GALNT13: variants seen among roughly 807,000 people sequenced by gnomAD.
GALNT13 encodes UDP-GalNAc:polypeptide N-acetylgalactosaminyltransferase 13.
GALNT13 carries 28 observed loss-of-function variants against 64.2 expected under a neutral mutation model. The observed-to-expected ratio is 0.44, with a 90% CI of 0.32 to 0.60. The LOEUF is 0.60. Among genes scored for constraint, GALNT13 ranks in the 20% least tolerant of loss-of-function variants. GALNT13 has a pLI of 0.05. For synonymous variants in GALNT13, 214 were observed against 224.6 expected (o/e 0.95, Z 0.42); for missense variants, 577 against 669.8 (o/e 0.86, Z 1.53).
At chr2:153,320,694 C>T in the GALNT13 span, among the ~76,000 whole-genome samples, 10 of 152,304 alleles carry the variant, frequency 6.6e-5, no homozygotes, top group Middle Eastern at 3.4e-3. Context: ...ATTTAAAATT[C>T]GCTGAAGTGA....
chr2:154,384,735 G>A (rs558814563), intron 9 of GALNT13, among the ~76,000 whole-genome samples: 11 of 151,892 alleles, frequency 7.2e-5, no homozygotes, highest in Non-Finnish European at 1.2e-4. Flanking sequence ...CCTACCCACT[G>A]TCATTCTCAG....
the GALNT13 span, among the ~76,000 whole-genome samples, chr2:153,186,834 G>A: frequency 6.6e-6 from 1 of 152,174 alleles, no homozygotes; most frequent in African/African-American, 2.4e-5. Context: ...CCAAAGTGCT[G>A]GGATTACAGG....
At chr2:154,126,835 G>C (rs1278680584) in intron 3 of GALNT13, among the ~76,000 whole-genome samples, 7 of 151,892 alleles carry the variant, frequency 4.6e-5, no homozygotes, top group Non-Finnish European at 4.4e-5. Context: ...ATTCACTTGG[G>C]GGTCTCCCAT....
intron 8 of GALNT13, among the ~76,000 whole-genome samples, chr2:154,275,107 G>C (rs35531380): frequency 6.6e-6 from 1 of 152,088 alleles, no homozygotes; most frequent in Admixed American, 6.6e-5. Context: ...TTTCTAAGCC[G>C]CAGACCATTT....
chr2:153,437,932 T>C, the GALNT13 span, among the ~76,000 whole-genome samples: 1 of 152,262 alleles, frequency 6.6e-6, no homozygotes, highest in East Asian at 1.9e-4. Flanking sequence ...CGATGGTCTT[T>C]ACAATTGGCA....
At chr2:153,484,381 T>C in the GALNT13 span, among the ~76,000 whole-genome samples, 1 of 152,336 alleles carries the variant, frequency 6.6e-6, no homozygotes, top group East Asian at 1.9e-4. Flanking sequence ...TGAGCAGTTA[T>C]ATTGATCTCG....
At chr2:154,372,354 A>G (rs576804818) in intron 9 of GALNT13, among the ~76,000 whole-genome samples, 58 of 150,342 alleles carry the variant, frequency 3.9e-4, no homozygotes, top group African/African-American at 1.4e-3. Context: ...CCCCAGATGT[A>G]CTGATTGATT....
the GALNT13 span, among the ~76,000 whole-genome samples, chr2:153,240,554 A>C: frequency 6.6e-6 from 1 of 152,128 alleles, no homozygotes; most frequent in African/African-American, 2.4e-5. Flanking sequence ...TACTGTCTGT[A>C]CTGGCAAGGT....
chr2:153,677,582 A>G, the GALNT13 span, among the ~76,000 whole-genome samples: 1 of 152,140 alleles, frequency 6.6e-6, no homozygotes, highest in African/African-American at 2.4e-5. Flanking sequence ...ATGGAACCAA[A>G]AAAAAGCCTG....
At chr2:153,720,439 C>T in the GALNT13 span, among the ~76,000 whole-genome samples, 2 of 151,736 alleles carry the variant, frequency 1.3e-5, no homozygotes, top group African/African-American at 4.8e-5. Context: ...TCCTCACCAG[C>T]AACGGAACAA....
intron 7 of GALNT13, among the ~76,000 whole-genome samples, chr2:154,250,885 G>A (rs1690033933): frequency 6.6e-6 from 1 of 152,018 alleles, no homozygotes; most frequent in South Asian, 2.1e-4. Flanking sequence ...CACAGGGAAA[G>A]GTCAACGTTG....
chr2:154,186,634 A>G (rs1686266089), intron 4 of GALNT13, among the ~76,000 whole-genome samples: 1 of 152,102 alleles, frequency 6.6e-6, no homozygotes, highest in Non-Finnish European at 1.5e-5. Flanking sequence ...AAACTCTACA[A>G]TAATCCATCA....
chr2:154,164,115 C>T (rs1684890495), intron 4 of GALNT13, among the ~76,000 whole-genome samples: 1 of 151,878 alleles, frequency 6.6e-6, no homozygotes, highest in Non-Finnish European at 1.5e-5. Flanking sequence ...TAGTAGGCAT[C>T]AATGTAGGCA....
intron 1 of GALNT13, among the ~76,000 whole-genome samples, chr2:153,882,631 CTT>C (rs113940624): frequency 1.4e-5 from 2 of 143,536 alleles, no homozygotes. Flanking sequence ...ATATTCTTTA[CTT>C]TTTTTTTTTT....
At chr2:153,506,810 A>T in the GALNT13 span, among the ~76,000 whole-genome samples, 3 of 152,170 alleles carry the variant, frequency 2.0e-5, no homozygotes, top group Non-Finnish European at 2.9e-5. Flanking sequence ...CCTGATGACT[A>T]TGTGCCTAGG....
chr2:153,873,779 T>C (rs1237517293), intron 1 of GALNT13, among the ~76,000 whole-genome samples: 1 of 152,134 alleles, frequency 6.6e-6, no homozygotes, highest in Non-Finnish European at 1.5e-5. Flanking sequence ...TTTTCAGCTT[T>C]ATGTGAAAGC....
chr2:153,739,620 T>C, the GALNT13 span, among the ~76,000 whole-genome samples: 1 of 88,520 alleles, frequency 1.1e-5, no homozygotes, highest in Non-Finnish European at 2.9e-5. Context: ...AATGAGATTT[T>C]ATTTATTATT....
intron 3 of GALNT13, among the ~76,000 whole-genome samples, chr2:154,066,295 T>C (rs909791948): frequency 1.3e-5 from 2 of 151,936 alleles, no homozygotes; most frequent in Non-Finnish European, 2.9e-5. Context: ...GAGAGAGAGA[T>C]AGAAGTAGAA....
chr2:154,213,029 A>G (rs1228364080), intron 4 of GALNT13, among the ~76,000 whole-genome samples: 1 of 152,184 alleles, frequency 6.6e-6, no homozygotes, highest in Non-Finnish European at 1.5e-5. Flanking sequence ...AATTTGACTT[A>G]AAAAGGAAGA....
Sources: allele counts gnomAD v4.1 joint callset (sites outside exome capture counted in the v4.1 genomes callset), GRCh38; gene constraint gnomAD v4.1.1; transcripts MANE v1.5; gene names NCBI Gene and HGNC (gene_info 2026-07-23, HGNC 2026-07-21).